MS4A2: variants seen among roughly 807,000 people sequenced by gnomAD.
The protein encoded by MS4A2 is high affinity immunoglobulin epsilon receptor subunit beta.
MS4A2 carries 26 observed loss-of-function variants against 27.9 expected under a neutral mutation model. The ratio of observed to expected loss-of-function variants is 0.93; its 90% CI spans 0.68 to 1.29. MS4A2 has a LOEUF of 1.29. Ranked by LOEUF, MS4A2 falls within the 50% of genes most tolerant of loss-of-function variation. The pLI is 0.00. For synonymous variants in MS4A2, 110 were observed against 98.8 expected (o/e 1.11, Z -0.67); for missense variants, 284 against 284.6 (o/e 1.00, Z 0.01).
Position 60,090,442 on chromosome 11 carries a change from C to T in MS4A2, c.293C>T (p.Ala98Val), listed in dbSNP as rs1308784373. 3 of 1,613,070 alleles carry T rather than the reference C, an allele frequency of 1.9e-6. No individual in the cohort carries two copies. The highest frequency in any genetic ancestry group is 1.3e-5 in the African/African-American group (1 of 74,868). Reference protein sequence around the residue: ...IEGDIFSSFKAGYPFWGAIFF... With the variant: ...IEGDIFSSFKVGYPFWGAIFF... ...GGAGACATTTTTTCATCATTTAAAG[C>T]AGGTTATCCATTCTGGGGAGCCATA... The change falls in exon 3 of 7, where the codon GCA (alanine) becomes GTA (valine). Residue 98 changes from alanine to valine, a missense_variant. Physicochemically the swap from Ala to Val is moderately conservative, Grantham distance 64. Coordinates refer to ENST00000278888, the MANE Select transcript of MS4A2 (RefSeq NM_000139.5).
Position 60,095,692 on chromosome 11 carries a change from A to G in MS4A2, c.*36A>G. 9 of 1,409,742 alleles carry G rather than the reference A, an allele frequency of 6.4e-6. No homozygotes were observed. The highest frequency in any genetic ancestry group is 5.8e-5 in the South Asian group (5 of 86,760). 87.3% of individuals were successfully genotyped at this position (1,409,742 alleles called of 1,614,324 possible). On this transcript the variant is annotated 3_prime_UTR_variant, in exon 7 of 7. Transcript: ENST00000278888. Reference sequence around the variant, plus strand: ...TCCAGAACACTCTGATTCACAGCCAAGGATCCAGAAGGCCAAGGTCTTGTT... The same window carrying G: ...TCCAGAACACTCTGATTCACAGCCAGGGATCCAGAAGGCCAAGGTCTTGTT...
Position 60,095,728 on chromosome 11 carries a change from T to C in MS4A2, c.*72T>C, listed in dbSNP as rs1855858482. 2 of 990,296 alleles carry C rather than the reference T, an allele frequency of 2.0e-6. No individual in the cohort carries two copies. The highest frequency in any genetic ancestry group is 3.5e-5 in the Admixed American group (2 of 57,368). 61.3% of individuals were successfully genotyped at this position (990,296 alleles called of 1,614,324 possible). ...GGCCAAGGTCTTGTTAAGGGGCTAC[T>C]GGAAAAATTTCTATTCTCTCCACAG... is the stretch of plus-strand genomic sequence containing the variant. On this transcript the variant is annotated 3_prime_UTR_variant, in exon 7 of 7. Coordinates refer to ENST00000278888, the MANE Select transcript of MS4A2 (RefSeq NM_000139.5).
At chr11:60,093,318 A>C in intron 4 of MS4A2, 82 bp from the exon 5 acceptor site, 1 of 1,583,006 alleles carries the variant, frequency 6.3e-7, no homozygotes, top group Non-Finnish European at 8.6e-7. Flanking sequence ...TACTGGATGC[A>C]TCCAGCCCTG....
Position 60,089,916 on chromosome 11 carries a change from G to A in MS4A2, c.186+95G>A, listed in dbSNP as rs112380029. The A allele has an allele frequency of 2.2e-5, 33 of 1,510,812 alleles. 2 individuals are homozygous for A. The African/African-American group carries it at 3.0e-4, about 14-fold the overall frequency. The allele number at this position is 1,510,812 out of a possible 1,614,324, so 93.6% of individuals were successfully genotyped here. A position where few individuals can be genotyped will look rare whatever the true frequency, so the allele number is the denominator to read the frequency against. On this transcript the variant is annotated intron_variant, in intron 2 of 6. Transcript: ENST00000278888. ...ACTGTTTTCCCACTTGGATTCATGA[G>A]AGGTGTTAGGTCCTTTAAAAAACAT...
In MS4A2 at chr11:60,088,832, G is replaced by C. The variant is rs1304909455; in HGVS notation, c.56+11G>C. The C allele has an allele frequency of 1.2e-6, 2 of 1,606,616 alleles. No individual in the cohort carries two copies. Among genetic ancestry groups the C allele is most frequent in the African/African-American group, 1.3e-5 (1 of 74,808 alleles). ...ACAGGAGCCTTCCAGGTAGGTACAAGGTATTATTTTTTTCTACCCTCAGTC... is the reference window on the plus strand; with the variant it reads ...ACAGGAGCCTTCCAGGTAGGTACAACGTATTATTTTTTTCTACCCTCAGTC... On this transcript the variant is annotated intron_variant, in intron 1 of 6. Transcript: ENST00000278888.
At chr11:60,091,089 T>G (rs1249458750) in intron 3 of MS4A2, among the ~76,000 whole-genome samples, 2 of 152,138 alleles carry the variant, frequency 1.3e-5, no homozygotes, top group Non-Finnish European at 2.9e-5. Context: ...AGGCAGAGGT[T>G]GCAGTGAGCT....
chr11:60,095,897 G>T lies in MS4A2; in HGVS notation c.*241G>T, dbSNP rs1855861445. 4 of 510,850 alleles carry T rather than the reference G, an allele frequency of 7.8e-6. No individual in the cohort carries two copies. The highest frequency in any genetic ancestry group is 6.4e-5 in the South Asian group (3 of 46,712). 31.6% of individuals were successfully genotyped at this position (510,850 alleles called of 1,614,324 possible). ...TTATATTATGACCACACACATCTCTGCTGGAAAGTCAACATGTAGTAAGCA... is the reference window on the plus strand; with the variant it reads ...TTATATTATGACCACACACATCTCTTCTGGAAAGTCAACATGTAGTAAGCA... On this transcript the variant is annotated 3_prime_UTR_variant, in exon 7 of 7. Coordinates refer to ENST00000278888, the MANE Select transcript of MS4A2 (RefSeq NM_000139.5).
rs1370474872 is a variant in MS4A2, at chr11:60,098,210, G to A, written c.*2554G>A. 2.0e-5 allele frequency: 3 copies of A among 152,096 alleles called. No individual in the cohort carries two copies. The highest frequency in any genetic ancestry group is 4.4e-5 in the Non-Finnish European group (3 of 68,012). 9.4% of individuals were successfully genotyped at this position (152,096 alleles called of 1,614,324 possible). ...GCCTTTTATAGTATGCCCACCTCAG[G>A]CAGACACAGAGCACAATGCTGGGGT... On this transcript the variant is annotated 3_prime_UTR_variant, in exon 7 of 7. Coordinates refer to ENST00000278888, the MANE Select transcript of MS4A2 (RefSeq NM_000139.5).
chr11:60,092,735 A>C (rs1855787937), intron 3 of MS4A2, 57 bp from the exon 4 acceptor site: 3 of 1,506,356 alleles, frequency 2.0e-6, no homozygotes, highest in Non-Finnish European at 2.8e-6. Flanking sequence ...GGGGTTAAAA[A>C]GGACACATTG....
intron 3 of MS4A2, among the ~76,000 whole-genome samples, chr11:60,091,501 T>G (rs1440439581): frequency 6.6e-6 from 1 of 152,184 alleles, no homozygotes; most frequent in Admixed American, 6.5e-5. Flanking sequence ...AGCTTCCCTG[T>G]GTATCTTTGT....
chr11:60,094,557 C>A (rs1855832059), intron 6 of MS4A2, among the ~76,000 whole-genome samples: 1 of 152,218 alleles, frequency 6.6e-6, no homozygotes, highest in Non-Finnish European at 1.5e-5. Flanking sequence ...ACCACCAGCA[C>A]CTTGTGCTCA....
intron 2 of MS4A2, 108 bp downstream of exon 2, chr11:60,089,929 CT>C: frequency 7.1e-7 from 1 of 1,399,576 alleles, no homozygotes; most frequent in Non-Finnish European, 9.7e-7. Context: ...GTGTTAGGTC[CT>C]TTAAAAAACA....
Position 60,092,793 on chromosome 11 carries a change from TTTC to T in MS4A2, c.325_327del (p.Ser109del). On this transcript the variant is annotated inframe_deletion and splice_region_variant, in exon 4 of 7. Transcript: ENST00000278888. ...TTTTTTTTCCTCCTTTTTGAACAGT[TTTC>T]TATTTCTGGAATGTTGTCAATTATA... 3 of 1,613,802 alleles carry T rather than the reference TTTC, an allele frequency of 1.9e-6. No individual in the cohort carries two copies. The highest frequency in any genetic ancestry group is 2.5e-6 in the Non-Finnish European group (3 of 1,179,816).
chr11:60,098,457 A>G lies in MS4A2; in HGVS notation c.*2801A>G, dbSNP rs1046213293. The G allele has an allele frequency of 7.2e-5, 11 of 152,314 alleles. No homozygotes were observed. Among genetic ancestry groups the G allele is most frequent in the African/African-American group, 2.6e-4 (11 of 41,582 alleles). The allele number at this position is 152,314 out of a possible 1,614,324, so 9.4% of individuals were successfully genotyped here. A position where few individuals can be genotyped will look rare whatever the true frequency, so the allele number is the denominator to read the frequency against. The stretch of plus-strand genomic sequence containing the variant: ...TGTATTTGTGCAATAAATTGGAATA[A>G]TGTAACTTGATTTCTTATCTGTGTT... On this transcript the variant is annotated 3_prime_UTR_variant, in exon 7 of 7. Transcript: ENST00000278888.
chr11:60,089,837 C>A lies in MS4A2; in HGVS notation c.186+16C>A. 1 of 1,613,744 alleles carries A rather than the reference C, an allele frequency of 6.2e-7. No homozygotes were observed. Among genetic ancestry groups the A allele is most frequent in the Non-Finnish European group, 8.5e-7 (1 of 1,179,932 alleles). On this transcript the variant is annotated intron_variant, in intron 2 of 6. Transcript: ENST00000278888. ...GTTCCTGGGGGTGAGTGAGCCTCCTCCAACTTTGACTAGAGTAAGGGTTGG... is the reference window on the plus strand; with the variant it reads ...GTTCCTGGGGGTGAGTGAGCCTCCTACAACTTTGACTAGAGTAAGGGTTGG...
In MS4A2 at chr11:60,093,489, G is replaced by T; in HGVS notation, c.468G>T (p.Leu156Phe). Residue 156 changes from leucine to phenylalanine, a missense_variant, in exon 5 of 7, where the codon TTG (leucine) becomes TTT (phenylalanine). By Grantham distance (22) the Leu-to-Phe change is conservative. Transcript: ENST00000278888. ...TGATCATCAACCTGAAGAAGAGCTT[G>T]GCCTATATCCACATCCACAGTTGCC... is the stretch of plus-strand genomic sequence containing the variant. Reference protein sequence around the residue: ...TILIINLKKSLAYIHIHSCQK... With the variant: ...TILIINLKKSFAYIHIHSCQK... The T allele has an allele frequency of 1.2e-6, 2 of 1,614,136 alleles. No homozygotes were observed. The highest frequency in any genetic ancestry group is 1.7e-6 in the Non-Finnish European group (2 of 1,180,028).
intron 5 of MS4A2, 29 bp downstream of exon 5, chr11:60,093,587 T>G: frequency 6.2e-7 from 1 of 1,613,802 alleles, no homozygotes; most frequent in Non-Finnish European, 8.5e-7. Flanking sequence ...GTGGGAAGAC[T>G]AAGATTCTGG....
Position 60,095,716 on chromosome 11 carries a change from T to G in MS4A2, c.*60T>G. On this transcript the variant is annotated 3_prime_UTR_variant, in exon 7 of 7. Coordinates refer to ENST00000278888, the MANE Select transcript of MS4A2 (RefSeq NM_000139.5). ...AAGGATCCAGAAGGCCAAGGTCTTG[T>G]TAAGGGGCTACTGGAAAAATTTCTA... is the stretch of plus-strand genomic sequence containing the variant. 1 of 1,144,864 alleles carries G rather than the reference T, an allele frequency of 8.7e-7. No homozygotes were observed. Among genetic ancestry groups the G allele is most frequent in the Admixed American group, 1.7e-5 (1 of 58,822 alleles). The allele number at this position is 1,144,864 out of a possible 1,614,324, so 70.9% of individuals were successfully genotyped here.
rs1241063569 is a variant in MS4A2, at chr11:60,097,409, G to A, written c.*1753G>A. On this transcript the variant is annotated 3_prime_UTR_variant, in exon 7 of 7. Transcript: ENST00000278888. ...ATGCGGCAGAGAAAACAGCAATAGT[G>A]AATGAATGCAAAAGGTGCTGAGAAA... 2.0e-5 allele frequency: 3 copies of A among 152,224 alleles called. No homozygotes were observed. The highest frequency in any genetic ancestry group is 7.2e-5 in the African/African-American group (3 of 41,448). 9.4% of individuals were successfully genotyped at this position (152,224 alleles called of 1,614,324 possible). A position where few individuals can be genotyped will look rare whatever the true frequency, so the allele number is the denominator to read the frequency against.
Sources: gnomAD v4.1 joint callset for allele counts (sites outside exome capture counted in the v4.1 genomes callset) on GRCh38, gnomAD v4.1.1 for gene constraint, MANE v1.5 for transcripts, NCBI Gene and HGNC (gene_info 2026-07-23, HGNC 2026-07-21) for gene names.